Variants in ADAM29 observed in about 807,000 individuals in gnomAD.
ADAM29 encodes the protein disintegrin and metalloproteinase domain-containing protein 29.
For missense variants in ADAM29, 969 were observed against 1,001.8 expected (o/e 0.97, Z 0.44); for synonymous variants, 367 against 342.3 (o/e 1.07, Z -0.80).
In ADAM29 at chr4:174,975,927, T is replaced by C. The variant is rs766618167; in HGVS notation, c.402T>C (p.Tyr134=). Residue 134 remains tyrosine, a synonymous_variant, in exon 5 of 5, where the codon TAT becomes TAC. Transcript: ENST00000359240. ...TATTACAGATAAATGACTTTGCTTATGAAATCAAGCCCCTAGCATTTTCTA... is the reference window on the plus strand; with the variant it reads ...TATTACAGATAAATGACTTTGCTTACGAAATCAAGCCCCTAGCATTTTCTA... ...QGILQINDFA[Y]EIKPLAFSTT... is the part of the protein sequence containing the mutation. 1.9e-6 allele frequency: 3 copies of C among 1,614,000 alleles called. No individual in the cohort carries two copies. The highest frequency in any genetic ancestry group is 2.5e-6 in the Non-Finnish European group (3 of 1,179,960).
intron 4 of ADAM29, among the ~76,000 whole-genome samples, chr4:174,965,669 CTT>C (rs1307056526): frequency 2.0e-5 from 3 of 152,060 alleles, no homozygotes; most frequent in Non-Finnish European, 4.4e-5. Context: ...TGAGAGCCCT[CTT>C]TTGCTCTTAA....
At chr4:174,939,342 T>C (rs1328665766) in intron 4 of ADAM29, among the ~76,000 whole-genome samples, 1 of 152,160 alleles carries the variant, frequency 6.6e-6, no homozygotes, top group African/African-American at 2.4e-5. Flanking sequence ...AGAAGAGACT[T>C]TAATTACCTC....
chr4:174,920,065 C>G (rs938407302), intron 1 of ADAM29, among the ~76,000 whole-genome samples: 1 of 152,124 alleles, frequency 6.6e-6, no homozygotes, highest in African/African-American at 2.4e-5. Flanking sequence ...CTTCAACAAC[C>G]TCTCATTATG....
At chr4:174,925,004 T>C (rs936969910) in intron 2 of ADAM29, among the ~76,000 whole-genome samples, 2 of 152,228 alleles carry the variant, frequency 1.3e-5, no homozygotes, top group Admixed American at 1.3e-4. Context: ...TTTCCCTTTG[T>C]GGCCTTCCAA....
chr4:174,977,419 A>C lies in ADAM29; in HGVS notation c.1894A>C (p.Lys632Gln). The C allele has an allele frequency of 6.2e-7, 1 of 1,613,998 alleles. No homozygotes were observed. The highest frequency in any genetic ancestry group is 8.5e-7 in the Non-Finnish European group (1 of 1,179,982). ...TAATTGCTCACCTGCATTTTGTAAC[A>C]AGAGGGGCATCTGCAACAATAAACA... ...NSNCSPAFCNKRGICNNKHHC... is the reference protein window; with the variant it reads ...NSNCSPAFCNQRGICNNKHHC... Residue 632 changes from lysine to glutamine, a missense_variant, in exon 5 of 5, where the codon AAG becomes CAG. By Grantham distance (53) the Lys-to-Gln change is moderately conservative. Coordinates refer to ENST00000359240, the MANE Select transcript of ADAM29 (RefSeq NM_014269.4).
intron 4 of ADAM29, among the ~76,000 whole-genome samples, chr4:174,963,744 A>C (rs140952890): frequency 1.3e-3 from 200 of 149,024 alleles, no homozygotes; most frequent in South Asian, 2.3e-3. Context: ...GTGCAGTGGC[A>C]CGATCTCGGC....
intron 4 of ADAM29, among the ~76,000 whole-genome samples, chr4:174,964,870 A>G (rs938841344): frequency 6.6e-6 from 1 of 151,760 alleles, no homozygotes; most frequent in Non-Finnish European, 1.5e-5. Context: ...TTCTTTATGT[A>G]TATGTTCATA....
rs995948935 is a variant in ADAM29 at position 174,933,234 on chromosome 4, G to A, written c.-262+2060G>A. On this transcript the variant is annotated intron_variant, in intron 3 of 4. Coordinates refer to ENST00000359240, the MANE Select transcript of ADAM29 (RefSeq NM_014269.4). ...GACAGAGCACATCCACAGGGCAGGG[G>A]CTTTGCTCCTTCCTCACTATATATA... 5.1e-4 allele frequency among the ~76,000 whole-genome samples: 77 copies of A among 152,126 alleles called. 3 individuals are homozygous for A.
intron 4 of ADAM29, among the ~76,000 whole-genome samples, chr4:174,967,779 T>G (rs896627530): frequency 1.3e-5 from 2 of 152,362 alleles, no homozygotes; most frequent in East Asian, 3.9e-4. Context: ...TAATGCTTAT[T>G]GATTTTCATA....
chr4:174,962,378 G>C (rs916320649), intron 4 of ADAM29, among the ~76,000 whole-genome samples: 5 of 149,800 alleles, frequency 3.3e-5, no homozygotes, highest in African/African-American at 1.2e-4. Context: ...TGGGCGTGGT[G>C]GGGGGCGCCT....
intron 4 of ADAM29, among the ~76,000 whole-genome samples, chr4:174,939,700 T>C (rs1449435923): frequency 6.6e-6 from 1 of 152,042 alleles, no homozygotes; most frequent in Non-Finnish European, 1.5e-5. Context: ...AAAAATAAAA[T>C]TTACCTACAA....
chr4:174,926,616 C>T, intron 2 of ADAM29, among the ~76,000 whole-genome samples: 1 of 150,580 alleles, frequency 6.6e-6, no homozygotes, highest in East Asian at 2.0e-4. Context: ...CATTAAAAAC[C>T]ATTAGGGAGT....
intron 4 of ADAM29, among the ~76,000 whole-genome samples, chr4:174,948,419 T>A (rs1579043364): frequency 1.3e-5 from 2 of 152,028 alleles, no homozygotes; most frequent in Admixed American, 6.6e-5. Flanking sequence ...TTCCGGAGGA[T>A]TTTAGGAGTC....
chr4:174,955,322 T>C (rs13130150), intron 4 of ADAM29, among the ~76,000 whole-genome samples: 63,564 of 151,738 alleles, frequency 0.42, 13,858 homozygotes, highest in African/African-American at 0.54. Flanking sequence ...TCCTGTGGTA[T>C]TAGGAAGATT....
At chr4:174,925,017 A>G (rs990123033) in intron 2 of ADAM29, among the ~76,000 whole-genome samples, 2 of 152,206 alleles carry the variant, frequency 1.3e-5, no homozygotes, top group African/African-American at 2.4e-5. Flanking sequence ...CCTTCCAAAT[A>G]TGTATAAATT....
At chr4:174,939,118 C>T (rs1018133812) in intron 4 of ADAM29, among the ~76,000 whole-genome samples, 1 of 152,162 alleles carries the variant, frequency 6.6e-6, no homozygotes, top group Non-Finnish European at 1.5e-5. Flanking sequence ...AGTCTTTCTG[C>T]AAAGAGTCTT....
intron 2 of ADAM29, among the ~76,000 whole-genome samples, chr4:174,925,959 T>TC (rs1743491967): frequency 6.6e-6 from 1 of 152,170 alleles, no homozygotes; most frequent in Non-Finnish European, 1.5e-5. Context: ...TCAGACACAC[T>TC]CTAATGAAAG....
intron 4 of ADAM29, among the ~76,000 whole-genome samples, chr4:174,948,109 G>A (rs112776506): frequency 2.6e-5 from 4 of 152,150 alleles, no homozygotes; most frequent in African/African-American, 9.7e-5. Flanking sequence ...TCTTGGGCTT[G>A]CACTTTCCTA....
intron 2 of ADAM29, among the ~76,000 whole-genome samples, chr4:174,927,358 T>TA (rs1438479493): frequency 1.3e-5 from 2 of 152,330 alleles, no homozygotes; most frequent in East Asian, 3.9e-4. Context: ...CTTTCAATGG[T>TA]AAAAACTGCA....
Sources: gnomAD v4.1 joint callset for allele counts (sites outside exome capture counted in the v4.1 genomes callset) on GRCh38, gnomAD v4.1.1 for gene constraint, MANE v1.5 for transcripts, NCBI Gene and HGNC (gene_info 2026-07-23, HGNC 2026-07-21) for gene names.